Variants in CNBD1 observed in about 807,000 individuals in gnomAD.
CNBD1 encodes cyclic nucleotide binding domain containing 1.
A neutral mutation model predicts 54.4 loss-of-function variants in CNBD1; 71 were observed. The ratio of observed to expected loss-of-function variants is 1.30; its 90% CI spans 1.08 to 1.59. The LOEUF is 1.59. Among genes scored for constraint, CNBD1 ranks in the 40% most tolerant of loss-of-function variants. The pLI is 0.00. For missense variants in CNBD1, 659 were observed against 518.0 expected (o/e 1.27, Z -2.64); for synonymous variants, 182 against 170.7 (o/e 1.07, Z -0.51).
At chr8:86,918,134 G>A (rs2131821789) in intron 3 of CNBD1, among the ~76,000 whole-genome samples, 1 of 152,252 alleles carries the variant, frequency 6.6e-6, no homozygotes. Context: ...AGAAGCTGCA[G>A]AGGATACTGT....
intron 2 of CNBD1, among the ~76,000 whole-genome samples, chr8:87,421,719 A>G (rs1184498140): frequency 6.7e-6 from 1 of 149,736 alleles, no homozygotes; most frequent in African/African-American, 2.5e-5. Flanking sequence ...ATTGTGAATA[A>G]TGCCACAATA....
intron 8 of CNBD1, among the ~76,000 whole-genome samples, chr8:87,296,393 G>T (rs1220548280): frequency 6.6e-6 from 1 of 152,104 alleles, no homozygotes; most frequent in Admixed American, 6.5e-5. Flanking sequence ...GTATGTAGGG[G>T]AGGGAGAAAG....
intron 4 of CNBD1, among the ~76,000 whole-genome samples, chr8:87,137,373 ATT>A (rs1047825620): frequency 6.9e-6 from 1 of 145,528 alleles, no homozygotes; most frequent in African/African-American, 2.5e-5. Flanking sequence ...ATATTTTTGA[ATT>A]TTTTTTTTTA....
At chr8:87,157,591 T>G (rs1812772450) in intron 4 of CNBD1, among the ~76,000 whole-genome samples, 1 of 151,986 alleles carries the variant, frequency 6.6e-6, no homozygotes, top group African/African-American at 2.4e-5. Flanking sequence ...TAAAAAAACA[T>G]TTATGTTCCT....
intron 4 of CNBD1, among the ~76,000 whole-genome samples, chr8:86,961,282 T>C (rs1447499976): frequency 6.6e-6 from 1 of 152,128 alleles, no homozygotes; most frequent in African/African-American, 2.4e-5. Flanking sequence ...GAACCAAAAT[T>C]TCAGGTAAAT....
intron 8 of CNBD1, among the ~76,000 whole-genome samples, chr8:87,295,523 C>T (rs1005964459): frequency 2.0e-5 from 3 of 151,834 alleles, no homozygotes; most frequent in African/African-American, 4.8e-5. Flanking sequence ...AAATTAAACA[C>T]CTTTTAATAA....
chr8:87,065,995 C>CA (rs1810645089), intron 4 of CNBD1, among the ~76,000 whole-genome samples: 1 of 151,900 alleles, frequency 6.6e-6, no homozygotes, highest in African/African-American at 2.4e-5. Flanking sequence ...CTATGAACAC[C>CA]AATATAGTCT....
At chr8:86,985,022 G>T (rs1427186898) in intron 4 of CNBD1, among the ~76,000 whole-genome samples, 1 of 152,138 alleles carries the variant, frequency 6.6e-6, no homozygotes, top group Non-Finnish European at 1.5e-5. Context: ...CCCACATGTT[G>T]TGGGAGGGAT....
chr8:87,000,379 C>T (rs1406249566), intron 4 of CNBD1, among the ~76,000 whole-genome samples: 2 of 152,124 alleles, frequency 1.3e-5, no homozygotes, highest in African/African-American at 4.8e-5. Context: ...TTAATTAAAC[C>T]TATTTTCTTT....
chr8:87,111,960 G>A (rs554568469), intron 4 of CNBD1, among the ~76,000 whole-genome samples: 118 of 152,126 alleles, frequency 7.8e-4, no homozygotes, highest in Non-Finnish European at 1.3e-3. Context: ...TACAGAGCAC[G>A]TACAACTACA....
intron 4 of CNBD1, among the ~76,000 whole-genome samples, chr8:86,968,634 G>T (rs904422214): frequency 1.3e-5 from 2 of 152,180 alleles, no homozygotes; most frequent in Non-Finnish European, 2.9e-5. Context: ...TTGGGGAAGA[G>T]AAATATTTTT....
At chr8:86,889,461 GA>G (rs1312570389) in intron 2 of CNBD1, among the ~76,000 whole-genome samples, 1 of 152,044 alleles carries the variant, frequency 6.6e-6, no homozygotes, top group African/African-American at 2.4e-5. Context: ...TATTATAGAT[GA>G]AAAGTGACCA....
At position 87,282,691 on chromosome 8, in the gene CNBD1, T is replaced by G. The variant is rs1216976411; in HGVS notation, c.772-1987T>G. Among the ~76,000 whole-genome samples, 3 of 152,118 alleles carry G rather than the reference T, an allele frequency of 2.0e-5. No individual in the cohort carries two copies. The East Asian group carries it at 5.8e-4, about 29-fold the overall frequency. ...AGTCTGATGATATTTTTTAATTAAT[T>G]GAGAAAGAAAGCCTTAATATTATTC... On this transcript the variant is annotated intron_variant, in intron 6 of 10. Coordinates refer to ENST00000518476, the MANE Select transcript of CNBD1 (RefSeq NM_173538.3).
In CNBD1 at chr8:86,880,392, A is replaced by C. The variant is rs974758842; in HGVS notation, c.89-7150A>C. On this transcript the variant is annotated intron_variant, in intron 1 of 10. Coordinates refer to ENST00000518476, the MANE Select transcript of CNBD1 (RefSeq NM_173538.3). The stretch of plus-strand genomic sequence containing the variant: ...AATAACATAAAATACAAAACAATAC[A>C]GTATAACACTATTTAAATAGGATTT... Among the ~76,000 whole-genome samples, 8 of 152,346 alleles carry C rather than the reference A, an allele frequency of 5.3e-5. No homozygotes were observed. In the East Asian group the frequency reaches 1.5e-3, roughly 29 times the overall value.
chr8:86,973,836 A>G (rs1211443411), intron 4 of CNBD1, among the ~76,000 whole-genome samples: 4 of 152,154 alleles, frequency 2.6e-5, no homozygotes, highest in African/African-American at 7.2e-5. Flanking sequence ...AAGAAAATTT[A>G]ATTATTGCAC....
chr8:87,372,813 A>G (rs1388282945), intron 10 of CNBD1, among the ~76,000 whole-genome samples: 1 of 151,822 alleles, frequency 6.6e-6, no homozygotes, highest in Non-Finnish European at 1.5e-5. Context: ...TTATTTCTGT[A>G]TGTAAACTAT....
chr8:87,097,574 G>A (rs956555855), intron 4 of CNBD1, among the ~76,000 whole-genome samples: 15 of 152,224 alleles, frequency 9.9e-5, no homozygotes, highest in African/African-American at 3.4e-4. Context: ...CTACTTTGAT[G>A]TATGTCTTGT....
chr8:87,379,685 G>A (rs542147057), intron 10 of CNBD1, among the ~76,000 whole-genome samples: 5 of 151,934 alleles, frequency 3.3e-5, no homozygotes, highest in South Asian at 4.2e-4. Context: ...AAACATTATT[G>A]CACTGTCAGA....
chr8:87,314,970 T>G, intron 8 of CNBD1, among the ~76,000 whole-genome samples: 1 of 152,058 alleles, frequency 6.6e-6, no homozygotes, highest in Admixed American at 6.6e-5. Context: ...AACGTAAACT[T>G]TAAAAAATAG....
Sources: gnomAD v4.1 joint callset for allele counts (sites outside exome capture counted in the v4.1 genomes callset) on GRCh38, gnomAD v4.1.1 for gene constraint, MANE v1.5 for transcripts, NCBI Gene and HGNC (gene_info 2026-07-23, HGNC 2026-07-21) for gene names.